Variants in EYS observed in about 807,000 individuals in gnomAD.
The protein encoded by EYS is protein eyes shut homolog.
EYS carries 250 observed loss-of-function variants against 282.1 expected under a neutral mutation model. The ratio of observed to expected loss-of-function variants is 0.89; its 90% CI spans 0.80 to 0.98. EYS has a LOEUF of 0.98. Among genes scored for constraint, EYS ranks in the 50% least tolerant of loss-of-function variants. The pLI is 0.00. For synonymous variants in EYS, 1,355 were observed against 1,282.9 expected (o/e 1.06, Z -1.20); for missense variants, 4,016 against 3,709.0 (o/e 1.08, Z -2.15).
intron 13 of EYS, among the ~76,000 whole-genome samples, chr6:65,056,989 G>A (rs1046540501): frequency 2.0e-5 from 3 of 151,272 alleles, no homozygotes; most frequent in African/African-American, 4.9e-5. Context: ...AAGGTAAATA[G>A]GTATAACATT....
At chr6:65,597,394 C>G (rs1765446635) in intron 2 of EYS, among the ~76,000 whole-genome samples, 1 of 152,014 alleles carries the variant, frequency 6.6e-6, no homozygotes. Flanking sequence ...TCACAGTAAG[C>G]TACAAGAAAG....
At chr6:65,580,613 T>C (rs1764834473) in intron 2 of EYS, among the ~76,000 whole-genome samples, 1 of 152,108 alleles carries the variant, frequency 6.6e-6, no homozygotes, top group African/African-American at 2.4e-5. Context: ...TTATTAATGA[T>C]TAATACTTTA....
At chr6:65,124,559 A>G (rs1775663429) in intron 12 of EYS, among the ~76,000 whole-genome samples, 1 of 152,212 alleles carries the variant, frequency 6.6e-6, no homozygotes, top group Admixed American at 6.5e-5. Flanking sequence ...AATGAACAAT[A>G]TATGCATTAC....
At chr6:65,614,578 G>A (rs1343590224) in intron 2 of EYS, among the ~76,000 whole-genome samples, 1 of 152,006 alleles carries the variant, frequency 6.6e-6, no homozygotes, top group Non-Finnish European at 1.5e-5. Flanking sequence ...TCCACAAAAT[G>A]TACATTTGTT....
At chr6:65,681,500 T>C (rs1044432532) in intron 1 of EYS, among the ~76,000 whole-genome samples, 4 of 151,940 alleles carry the variant, frequency 2.6e-5, no homozygotes, top group African/African-American at 4.8e-5. Context: ...GAATTAACTT[T>C]TTGCTTTACG....
Position 63,974,026 on chromosome 6 carries a change from T to C in EYS, c.7055+10357A>G, listed in dbSNP as rs148974782. Among the ~76,000 whole-genome samples, 1,082 of 152,272 alleles carry C rather than the reference T, an allele frequency of 7.1e-3. 8 individuals carry two copies. The highest frequency in any genetic ancestry group is 0.025 in the African/African-American group (1,033 of 41,572). On this transcript the variant is annotated intron_variant, in intron 35 of 42. Coordinates refer to ENST00000503581, the MANE Select transcript of EYS (RefSeq NM_001142800.2). The stretch of plus-strand genomic sequence containing the variant: ...ACCAAAAGGATTGGTTTGTTTTCTT[T>C]CTAAATTAATCACTTAAACTTGTTT...
intron 14 of EYS, among the ~76,000 whole-genome samples, chr6:64,951,713 A>C (rs1019920109): frequency 7.9e-5 from 12 of 151,994 alleles, no homozygotes; most frequent in African/African-American, 2.9e-4. Flanking sequence ...ATGACTTAAT[A>C]TATTATTTTA....
In EYS at chr6:65,513,675, A is replaced by G. The variant is rs372517734; in HGVS notation, c.-332-17682T>C. 1.0e-3 allele frequency among the ~76,000 whole-genome samples: 154 copies of G among 152,274 alleles called. 5 individuals carry two copies. The South Asian group carries it at 0.032, about 32-fold the overall frequency. Reference sequence around the variant, plus strand: ...AAATGTAATCCAGCATATGAACAGAACCAAAGACAAAAACCACATGATTAT... The same window carrying G: ...AAATGTAATCCAGCATATGAACAGAGCCAAAGACAAAAACCACATGATTAT... On this transcript the variant is annotated intron_variant, in intron 2 of 42. Transcript: ENST00000503581.
At chr6:64,272,732 G>C (rs541436639) in intron 30 of EYS, among the ~76,000 whole-genome samples, 1 of 152,152 alleles carries the variant, frequency 6.6e-6, no homozygotes, top group South Asian at 2.1e-4. Context: ...TTATGTACAA[G>C]TAAAGTAGGG....
chr6:64,772,951 A>G (rs956999948), intron 22 of EYS, among the ~76,000 whole-genome samples: 2 of 151,822 alleles, frequency 1.3e-5, no homozygotes, highest in Non-Finnish European at 2.9e-5. Flanking sequence ...GGATACAGAA[A>G]GAGGAAGAGT....
intron 28 of EYS, among the ~76,000 whole-genome samples, chr6:64,419,312 G>A (rs1414098990): frequency 1.3e-5 from 2 of 152,224 alleles, no homozygotes; most frequent in East Asian, 1.9e-4. Flanking sequence ...TCCACCAAGT[G>A]AGAATTATGG....
chr6:65,385,835 A>G (rs1765778880), intron 7 of EYS, among the ~76,000 whole-genome samples: 1 of 152,006 alleles, frequency 6.6e-6, no homozygotes, highest in African/African-American at 2.4e-5. Context: ...AGATATCCAG[A>G]AATCACTCCA....
At chr6:64,201,855 T>C (rs912942387) in intron 31 of EYS, among the ~76,000 whole-genome samples, 2 of 152,194 alleles carry the variant, frequency 1.3e-5, no homozygotes, top group Admixed American at 1.3e-4. Flanking sequence ...GGTTATCAAC[T>C]AGGAGTGATT....
chr6:65,447,985 T>C (rs549190249), intron 5 of EYS, among the ~76,000 whole-genome samples: 157 of 152,152 alleles, frequency 1.0e-3, no homozygotes, highest in Non-Finnish European at 1.7e-3. Flanking sequence ...TAGAATGAAA[T>C]GAATGTAAGC....
At chr6:65,396,210 G>A (rs556377973) in intron 7 of EYS, among the ~76,000 whole-genome samples, 1 of 152,210 alleles carries the variant, frequency 6.6e-6, no homozygotes, top group African/African-American at 2.4e-5. Flanking sequence ...TCAAAGATCT[G>A]AATCTTCCCT....
rs1766113387 is a variant in EYS, at chr6:65,209,257, T to A, written c.2023+86606A>T. Among the ~76,000 whole-genome samples, 4 of 151,850 alleles carry A rather than the reference T, an allele frequency of 2.6e-5. No homozygotes were observed. In the South Asian group the frequency reaches 8.3e-4, roughly 31 times the overall value. On this transcript the variant is annotated intron_variant, in intron 12 of 42. Transcript: ENST00000503581. Reference sequence around the variant, plus strand: ...AAAGCCCAGTGTGTGGGGAAGTTTTTTTTTTTAATTTTTACTTCCTATGTA... The same window carrying A: ...AAAGCCCAGTGTGTGGGGAAGTTTTATTTTTTAATTTTTACTTCCTATGTA...
rs538468821 is a variant in EYS at position 65,268,140 on chromosome 6, C to G, written c.2023+27723G>C. On this transcript the variant is annotated intron_variant, in intron 12 of 42. Coordinates refer to ENST00000503581, the MANE Select transcript of EYS (RefSeq NM_001142800.2). The stretch of plus-strand genomic sequence containing the variant: ...AATAATTAATCAGTTACACTTGAAA[C>G]AATACCTATGAAACACACACTGGTG... Among the ~76,000 whole-genome samples the G allele has an allele frequency of 4.9e-4, 75 of 152,090 alleles. 2 individuals are homozygous for G. The South Asian group carries it at 0.015, about 31-fold the overall frequency.
At chr6:64,471,631 A>T (rs1429760096) in intron 26 of EYS, among the ~76,000 whole-genome samples, 1 of 152,208 alleles carries the variant, frequency 6.6e-6, no homozygotes, top group Non-Finnish European at 1.5e-5. Context: ...GATCAGAAGA[A>T]TTAATATTTT....
chr6:65,405,302 G>A lies in EYS; in HGVS notation c.928C>T (p.Pro310Ser). The A allele has an allele frequency of 6.2e-7, 1 of 1,612,618 alleles. No homozygotes were observed. The highest frequency in any genetic ancestry group is 1.1e-5 in the South Asian group (1 of 91,048). Residue 310 changes from proline (P) to serine (S), a missense_variant, in exon 6 of 43, where the codon CCA (proline) becomes TCA (serine). Coordinates refer to ENST00000503581, the MANE Select transcript of EYS (RefSeq NM_001142800.2). ...TAAGTATAAGCAGAACTGCTATTTGGGCAAATTCCTCTTTTCCAAAAAAGC... is the reference window on the plus strand; with the variant it reads ...TAAGTATAAGCAGAACTGCTATTTGAGCAAATTCCTCTTTTCCAAAAAAGC... Reference protein sequence around the residue: ...SLLFWKRGICPNSSSAYTYEC... With the variant: ...SLLFWKRGICSNSSSAYTYEC...
Sources: allele counts gnomAD v4.1 joint callset (sites outside exome capture counted in the v4.1 genomes callset), GRCh38; gene constraint gnomAD v4.1.1; transcripts MANE v1.5; gene names NCBI Gene and HGNC (gene_info 2026-07-23, HGNC 2026-07-21).